The following SDK2 variants were observed in gnomAD, a reference collection of about 807,000 sequenced individuals.
SDK2 encodes protein sidekick-2.
A neutral mutation model predicts 253.9 loss-of-function variants in SDK2; 105 were observed. The ratio of observed to expected loss-of-function variants is 0.41; its 90% CI spans 0.35 to 0.49. SDK2 has a LOEUF of 0.49. SDK2 is among the 20% of genes least tolerant of loss of function. SDK2 has a pLI of 0.06. For synonymous variants in SDK2, 1,249 were observed against 1,234.9 expected, an observed-to-expected ratio of 1.01 and a Z score of -0.24; for missense variants, 2,608 against 3,003.0, an observed-to-expected ratio of 0.87 and a Z score of 3.07.
At chr17:73,631,839 C>T (rs1016330114) in intron 1 of SDK2, among the ~76,000 whole-genome samples, 8 of 152,332 alleles carry the variant, frequency 5.3e-5, no homozygotes, top group Non-Finnish European at 1.0e-4. Context: ...GGCCCCTGGG[C>T]GGTGGACATA....
chr17:73,541,616 C>T lies in SDK2; in HGVS notation c.65-34019G>A, dbSNP rs1356773610. 6.6e-6 allele frequency among the ~76,000 whole-genome samples: 1 copy of T among 152,044 alleles called. No individual in the cohort carries two copies. The highest frequency in any genetic ancestry group is 1.5e-5 in the Non-Finnish European group (1 of 68,012). On this transcript the variant is annotated intron_variant, in intron 1 of 44. Transcript: ENST00000392650. The surrounding 1 kb of genome is among the most constrained non-coding windows in gnomAD (Gnocchi z 4.3). ...CCCTCCCTCCGTCTCTCCCTGCTGG[C>T]TCTTCATTTCTCGTGGCGTGTTTAC...
At chr17:73,357,079 G>A (rs1462052120) in intron 40 of SDK2, among the ~76,000 whole-genome samples, 2 of 152,218 alleles carry the variant, frequency 1.3e-5, no homozygotes, top group Middle Eastern at 3.2e-3. Context: ...AGCCAGCCCC[G>A]CATGCATCCT....
chr17:73,371,587 C>T lies in SDK2; in HGVS notation c.4981-2994G>A, dbSNP rs1001703196. 9.2e-5 allele frequency among the ~76,000 whole-genome samples: 14 copies of T among 152,120 alleles called. No homozygotes were observed. In the South Asian group the frequency reaches 2.5e-3, roughly 27 times the overall value. Reference sequence around the variant, plus strand: ...CAAGGGAGAAAGAGAGCAGAGGAATCGGAGGGAGTGAGTACAGAAGATTCT... The same window carrying T: ...CAAGGGAGAAAGAGAGCAGAGGAATTGGAGGGAGTGAGTACAGAAGATTCT... On this transcript the variant is annotated intron_variant, in intron 36 of 44. Transcript: ENST00000392650.
chr17:73,365,464 A>T, intron 37 of SDK2, 69 bp from the exon 38 acceptor site: 1 of 1,479,466 alleles, frequency 6.8e-7, no homozygotes, highest in Non-Finnish European at 9.1e-7. Context: ...GTTCAGCTCC[A>T]AGGAGCTAGC....
intron 27 of SDK2, 116 bp from the exon 28 acceptor site, chr17:73,391,654 G>T (rs375356629): frequency 1.4e-5 from 6 of 432,306 alleles, no homozygotes; most frequent in African/African-American, 1.2e-4. Flanking sequence ...GCCCAGCTCA[G>T]TGAATTTCTG....
In SDK2 at chr17:73,393,682, C is replaced by T. The variant is rs181533722; in HGVS notation, c.3776G>A (p.Arg1259His). The change falls in exon 27 of 45, where the codon CGC becomes CAC. Residue 1259 changes from arginine to histidine, a missense_variant. Arg to His is a conservative substitution (Grantham distance 29). This residue lies in a region of SDK2 where 1,505 missense variants were observed against 1,859.1 expected (regional missense o/e 0.81). Transcript: ENST00000392650. The stretch of plus-strand genomic sequence containing the variant: ...GCCCAAGCCGGTGAGCTGGGCACTG[C>T]GAGACGAGTTGCCTTCCACCAGCCA... ...RFWLVEGNSS[R>H]SAQLTGLGKY... The T allele has an allele frequency of 4.9e-5, 78 of 1,596,796 alleles. No homozygotes were observed. Among genetic ancestry groups the T allele is most frequent in the Admixed American group, 4.7e-4 (28 of 59,514 alleles).
intron 1 of SDK2, among the ~76,000 whole-genome samples, chr17:73,637,934 C>G (rs957187537): frequency 2.0e-5 from 3 of 148,694 alleles, no homozygotes; most frequent in Non-Finnish European, 4.5e-5. Flanking sequence ...TCAGGAAGAG[C>G]TGGGAAAATG....
intron 36 of SDK2, among the ~76,000 whole-genome samples, chr17:73,374,561 G>A (rs2062761652): frequency 7.0e-6 from 1 of 143,236 alleles, no homozygotes; most frequent in Non-Finnish European, 1.5e-5. Flanking sequence ...TCTGCCTTCT[G>A]GGTTCAAGGG....
At chr17:73,476,277 G>A (rs1049841535) in intron 2 of SDK2, among the ~76,000 whole-genome samples, 4 of 152,056 alleles carry the variant, frequency 2.6e-5, no homozygotes, top group Admixed American at 6.6e-5. Flanking sequence ...AAGCACAAAC[G>A]CACACACTTA....
intron 2 of SDK2, among the ~76,000 whole-genome samples, chr17:73,502,836 A>T (rs1465402905): frequency 6.6e-6 from 1 of 152,228 alleles, no homozygotes; most frequent in East Asian, 1.9e-4. Context: ...CCACTCATCA[A>T]TAACGAAGGG....
intron 3 of SDK2, among the ~76,000 whole-genome samples, chr17:73,457,302 C>CG (rs2145665825): frequency 2.1e-5 from 1 of 47,288 alleles, no homozygotes; most frequent in East Asian, 2.0e-3. Context: ...TCCCTCCCTC[C>CG]CCCTCCCCCC....
In SDK2 at chr17:73,436,769, C is replaced by A. The variant is rs147835287; in HGVS notation, c.1000+970G>T. ...GCTCTCTTTCCCATGGTCACGTCTC[C>A]GAGATCAGGATGTGTCTTATAATCA... On this transcript the variant is annotated intron_variant, in intron 8 of 44. Transcript: ENST00000392650. 6.8e-4 allele frequency among the ~76,000 whole-genome samples: 104 copies of A among 151,984 alleles called. No homozygotes were observed. In the East Asian group the frequency reaches 0.017, roughly 25 times the overall value.
intron 1 of SDK2, among the ~76,000 whole-genome samples, chr17:73,522,492 C>T (rs1242214627): frequency 6.6e-6 from 1 of 152,232 alleles, no homozygotes. Flanking sequence ...GCCTGGGAAC[C>T]AGCTGGGGTT....
In SDK2 at chr17:73,414,634, C is replaced by T. The variant is rs751985232; in HGVS notation, c.2484+10G>A. ...GGGCCTCCTCTTGGGTGAGGAGATG[C>T]CTCATGTACCTTGTAGCCCTGGTTG... On this transcript the variant is annotated intron_variant, in intron 18 of 44. Coordinates refer to ENST00000392650, the MANE Select transcript of SDK2 (RefSeq NM_001144952.2). 1.2e-6 allele frequency: 2 copies of T among 1,606,194 alleles called. No individual in the cohort carries two copies. Among genetic ancestry groups the T allele is most frequent in the South Asian group, 2.2e-5 (2 of 90,908 alleles).
intron 1 of SDK2, among the ~76,000 whole-genome samples, chr17:73,566,319 A>ATGTGTGTGTGTG (rs55940592): frequency 2.2e-4 from 31 of 139,406 alleles, no homozygotes; most frequent in African/African-American, 6.9e-4. Flanking sequence ...TTATATATAT[A>ATGTGTGTGTGTG]TGTGTGTGTG....
chr17:73,557,697 C>T (rs1483472233), intron 1 of SDK2, among the ~76,000 whole-genome samples: 1 of 152,142 alleles, frequency 6.6e-6, no homozygotes, highest in Admixed American at 6.5e-5. Context: ...GCCTCCTAAT[C>T]TCCCTCTTTT....
intron 1 of SDK2, among the ~76,000 whole-genome samples, chr17:73,560,220 G>A (rs1313524822): frequency 6.6e-6 from 1 of 152,220 alleles, no homozygotes; most frequent in East Asian, 1.9e-4. Context: ...TGACAGACAA[G>A]GTGTTGTTAG....
At chr17:73,560,881 C>T (rs985376402) in intron 1 of SDK2, among the ~76,000 whole-genome samples, 4 of 152,168 alleles carry the variant, frequency 2.6e-5, no homozygotes, top group Admixed American at 6.5e-5. Context: ...CAGTGGGTGG[C>T]GTCTGGGCCA....
In SDK2 at chr17:73,629,437, C is replaced by T. The variant is rs999287254; in HGVS notation, c.64+14588G>A. Among the ~76,000 whole-genome samples, 3 of 152,188 alleles carry T rather than the reference C, an allele frequency of 2.0e-5. No individual in the cohort carries two copies. Among genetic ancestry groups the T allele is most frequent in the East Asian group, 1.9e-4 (1 of 5,192 alleles). On this transcript the variant is annotated intron_variant, in intron 1 of 44. Transcript: ENST00000392650. The surrounding 1 kb of genome is among the most constrained non-coding windows in gnomAD (Gnocchi z 5.0). Reference sequence around the variant, plus strand: ...GACCCTGAGTGTAAGCACCTGAGGGCAGAAGCCACTTGGGGTGTGGCCAGG... The same window carrying T: ...GACCCTGAGTGTAAGCACCTGAGGGTAGAAGCCACTTGGGGTGTGGCCAGG...
Sources: gnomAD v4.1 joint callset for allele counts (sites outside exome capture counted in the v4.1 genomes callset) on GRCh38, gnomAD v4.1.1 for gene constraint, gnomAD v4.1.1 regional missense constraint, Gnocchi (gnomAD v3.1) non-coding constraint, MANE v1.5 for transcripts, NCBI Gene and HGNC (gene_info 2026-07-23, HGNC 2026-07-21) for gene names.